The following SYNE2 variants were observed in gnomAD, a reference collection of about 807,000 sequenced individuals.
SYNE2 encodes the protein spectrin repeat containing nuclear envelope protein 2, also known as nesprin-2.
SYNE2 carries 431 observed loss-of-function variants against 856.3 expected under a neutral mutation model. The ratio of observed to expected loss-of-function variants is 0.50; its 90% CI spans 0.47 to 0.55. The LOEUF (loss-of-function observed/expected upper bound fraction) is 0.55, where lower values mean the gene tolerates loss of function less well. Ranked by LOEUF, SYNE2 falls within the 20% of genes least tolerant of loss-of-function variation. SYNE2 has a pLI of 0.00. For synonymous variants in SYNE2, 2,923 were observed against 2,872.3 expected, an observed-to-expected ratio of 1.02 and a Z score of -0.56; for missense variants, 8,129 against 8,023.2, an observed-to-expected ratio of 1.01 and a Z score of -0.50.
intron 25 of SYNE2, 152 bp from the exon 26 acceptor site, chr14:63,998,067 T>C: frequency 1.5e-6 from 1 of 687,264 alleles, no homozygotes; most frequent in Non-Finnish European, 2.6e-6. Context: ...GGAAAGACTT[T>C]TCTCTGAGCT....
In SYNE2 at chr14:64,141,959, G is replaced by A. The variant is rs1259143091; in HGVS notation, c.15177G>A (p.Leu5059=). ...EKLHQLQMEK[L]PSRKAITEMI... is the part of the protein sequence containing the mutation. ...TCTTACAGCTTCAAATGGAGAAATT[G>A]CCGTCTCGTAAAGCAATCACAGAAA... The change falls in exon 82 of 116, where the codon TTG becomes TTA. Residue 5059 remains leucine, a synonymous_variant. Coordinates refer to ENST00000555002, the MANE Select transcript of SYNE2 (RefSeq NM_182914.3). 1 of 1,614,036 alleles carries A rather than the reference G, an allele frequency of 6.2e-7. No individual in the cohort carries two copies. Among genetic ancestry groups the A allele is most frequent in the Admixed American group, 1.7e-5 (1 of 60,014 alleles).
intron 1 of SYNE2, among the ~76,000 whole-genome samples, chr14:63,866,111 A>G (rs1308552814): frequency 1.3e-5 from 2 of 152,170 alleles, no homozygotes; most frequent in Non-Finnish European, 2.9e-5. Context: ...TACATATAAT[A>G]TGTTCTCAAC....
intron 2 of SYNE2, among the ~76,000 whole-genome samples, chr14:63,930,167 G>T (rs978907342): frequency 6.6e-6 from 1 of 151,644 alleles, no homozygotes; most frequent in Non-Finnish European, 1.5e-5. Flanking sequence ...TTTGCCTATG[G>T]TCCAGCTACT....
At chr14:64,043,597 T>A (rs1273927818) in intron 45 of SYNE2, among the ~76,000 whole-genome samples, 1 of 152,118 alleles carries the variant, frequency 6.6e-6, no homozygotes, top group Non-Finnish European at 1.5e-5. Context: ...CAGCCTTGAC[T>A]AAAAGGAGCC....
chr14:64,189,943 A>G, intron 98 of SYNE2, 128 bp from the exon 99 acceptor site: 1 of 1,037,172 alleles, frequency 9.6e-7, no homozygotes, highest in South Asian at 1.5e-5. Context: ...GATTATTGGT[A>G]TGAGCCACTA....
intron 92 of SYNE2, among the ~76,000 whole-genome samples, chr14:64,168,061 T>C (rs2098390822): frequency 6.6e-6 from 1 of 152,224 alleles, no homozygotes. Context: ...GTGCTTATGC[T>C]GACATGTATT....
intron 96 of SYNE2, among the ~76,000 whole-genome samples, chr14:64,177,714 A>C (rs1356453336): frequency 6.6e-6 from 1 of 152,142 alleles, no homozygotes; most frequent in African/African-American, 2.4e-5. Flanking sequence ...ACTTCTTAGG[A>C]TCTTAGGGGT....
intron 85 of SYNE2, among the ~76,000 whole-genome samples, chr14:64,156,266 G>A (rs2098284419): frequency 6.6e-6 from 1 of 152,118 alleles, no homozygotes; most frequent in Admixed American, 6.5e-5. Context: ...ATCTGTGGAA[G>A]CTGCAAAGGC....
intron 45 of SYNE2, among the ~76,000 whole-genome samples, chr14:64,034,855 T>A (rs1395878521): frequency 6.6e-6 from 1 of 151,772 alleles, no homozygotes; most frequent in Non-Finnish European, 1.5e-5. Context: ...GACTGTCTAA[T>A]CTCTTAGGAT....
chr14:64,007,496 A>G (rs1433104941), intron 31 of SYNE2, among the ~76,000 whole-genome samples: 2 of 152,190 alleles, frequency 1.3e-5, no homozygotes, highest in Admixed American at 6.5e-5. Flanking sequence ...GTGGTTTCCT[A>G]TTGCTGTAAA....
chr14:63,964,556 C>T (rs562775811), intron 10 of SYNE2, among the ~76,000 whole-genome samples: 4 of 151,802 alleles, frequency 2.6e-5, no homozygotes, highest in Admixed American at 1.3e-4. Flanking sequence ...CGGAGTTTTG[C>T]TCTCGTTGCC....
intron 1 of SYNE2, among the ~76,000 whole-genome samples, chr14:63,879,840 A>C (rs1020130168): frequency 4.6e-5 from 7 of 152,230 alleles, no homozygotes; most frequent in African/African-American, 1.7e-4. Flanking sequence ...AAATGAGCCA[A>C]GGTTATAGTG....
intron 50 of SYNE2, among the ~76,000 whole-genome samples, chr14:64,063,488 T>A (rs2097333457): frequency 1.3e-5 from 2 of 152,238 alleles, no homozygotes; most frequent in African/African-American, 4.8e-5. Flanking sequence ...AAGCATCACC[T>A]CTCATGTGAC....
chr14:64,030,081 T>C, intron 44 of SYNE2, 22 bp downstream of exon 44: 4 of 1,612,424 alleles, frequency 2.5e-6, no homozygotes, highest in Non-Finnish European at 3.4e-6. Context: ...TGTCCAGACA[T>C]GATAGACATT....
chr14:64,092,677 C>A (rs1218561883), intron 60 of SYNE2, among the ~76,000 whole-genome samples: 3 of 152,174 alleles, frequency 2.0e-5, no homozygotes, highest in African/African-American at 7.2e-5. Flanking sequence ...AAGTCTGTTT[C>A]TTTGTTTTTC....
intron 54 of SYNE2, among the ~76,000 whole-genome samples, chr14:64,077,950 A>G (rs1262240): frequency 0.72 from 109,634 of 152,070 alleles, 42,671 homozygotes; most frequent in Non-Finnish European, 0.87. Context: ...CTCAAGAAAT[A>G]GCAATTTTAG....
rs551230957 is a variant in SYNE2, at chr14:63,949,434, T to C, written c.409-391T>C. On this transcript the variant is annotated intron_variant, in intron 6 of 115. Transcript: ENST00000555002. Reference sequence around the variant, plus strand: ...ACTATCTTTTTTTCTATGTGTACATTTGTTCATAATGGATGCATTTCACTT... The same window carrying C: ...ACTATCTTTTTTTCTATGTGTACATCTGTTCATAATGGATGCATTTCACTT... Among the ~76,000 whole-genome samples the C allele has an allele frequency of 5.9e-5, 9 of 152,362 alleles. No homozygotes were observed. The South Asian group carries it at 1.7e-3, about 28-fold the overall frequency.
chr14:64,100,899 G>T (rs2097723469), intron 63 of SYNE2, among the ~76,000 whole-genome samples: 1 of 151,090 alleles, frequency 6.6e-6, no homozygotes, highest in Non-Finnish European at 1.5e-5. Context: ...GGGAGATGAT[G>T]TGGTATGTGT....
At chr14:63,805,942 T>C (rs557832884) in intron 1 of SYNE2, among the ~76,000 whole-genome samples, 1 of 152,326 alleles carries the variant, frequency 6.6e-6, no homozygotes, top group Non-Finnish European at 1.5e-5. Context: ...ATAGTTTGAC[T>C]TCCTCTCTTC....
Sources: gnomAD v4.1 joint callset for allele counts (sites outside exome capture counted in the v4.1 genomes callset) on GRCh38, gnomAD v4.1.1 for gene constraint, MANE v1.5 for transcripts, NCBI Gene and HGNC (gene_info 2026-07-23, HGNC 2026-07-21) for gene names.